The following MINK1 variants were observed in gnomAD, a reference collection of about 807,000 sequenced individuals.
The protein encoded by MINK1 is misshapen like kinase 1.
A neutral mutation model predicts 178.4 loss-of-function variants in MINK1; 46 were observed. That is an observed-to-expected ratio of 0.26 (90% CI 0.20 to 0.33). The LOEUF (loss-of-function observed/expected upper bound fraction) is 0.33, where lower values mean the gene tolerates loss of function less well. Among genes scored for constraint, MINK1 ranks in the 10% least tolerant of loss-of-function variants. The probability of loss-of-function intolerance (pLI) is 1.00; values close to 1 mark genes in which losing one functional copy is unlikely to be tolerated. For missense variants in MINK1, 1,366 were observed against 1,814.9 expected, an observed-to-expected ratio of 0.75 and a Z score of 4.49; for synonymous variants, 797 against 709.7, an observed-to-expected ratio of 1.12 and a Z score of -1.96.
rs1567624670 is a variant in MINK1, at chr17:4,895,166, G to A, written c.3009G>A (p.Arg1003=). Residue 1003 remains arginine (R), a synonymous_variant, in exon 25 of 32, where the codon CGG becomes CGA. Transcript: ENST00000355280. This position sits in a 1 kb window ranked among gnomAD's most constrained non-coding sequence, Gnocchi z 4.3. ...TCAACGTGAATCCCACCAACACCCG[G>A]GCCCACAGTGAGACCCCTGAGATCC... The part of the protein sequence containing the change: ...SVVNVNPTNT[R]AHSETPEIRK... The A allele has an allele frequency of 3.1e-6, 5 of 1,614,010 alleles. No individual in the cohort carries two copies. The highest frequency in any genetic ancestry group is 3.3e-4 in the Middle Eastern group (2 of 6,062).
At position 4,890,514 on chromosome 17, in the gene MINK1, C is replaced by T; in HGVS notation, c.1348-3C>T. On this transcript the variant is annotated splice_region_variant and splice_polypyrimidine_tract_variant and intron_variant, in intron 13 of 31. Transcript: ENST00000355280. The stretch of plus-strand genomic sequence containing the variant: ...AGCCCTCTCTCCCTACCCTTGGGCC[C>T]AGGAATACAAGCGGAAGCAGCTGGA... The T allele has an allele frequency of 1.3e-6, 2 of 1,585,442 alleles. No individual in the cohort carries two copies. The highest frequency in any genetic ancestry group is 1.7e-6 in the Non-Finnish European group (2 of 1,166,566).
chr17:4,848,959 G>A (rs1420081943), intron 1 of MINK1, among the ~76,000 whole-genome samples: 1 of 152,186 alleles, frequency 6.6e-6, no homozygotes, highest in Non-Finnish European at 1.5e-5. Context: ...AAAGTTCCCA[G>A]AAAGCGTGTC....
At position 4,886,843 on chromosome 17, in the gene MINK1, G is replaced by C. The variant is rs895187980; in HGVS notation, c.949+217G>C. Among the ~76,000 whole-genome samples, 3 of 152,146 alleles carry C rather than the reference G, an allele frequency of 2.0e-5. No individual in the cohort carries two copies. The highest frequency in any genetic ancestry group is 7.2e-5 in the African/African-American group (3 of 41,418). ...CCTTCCAAAGGAGGACCGGCCTTTC[G>C]CATCCTTACAAAAACTCCATGCTAA... is the stretch of plus-strand genomic sequence containing the variant. On this transcript the variant is annotated intron_variant, in intron 10 of 31. Coordinates refer to ENST00000355280, the MANE Select transcript of MINK1 (RefSeq NM_153827.5). The surrounding 1 kb of genome is among the most constrained non-coding windows in gnomAD (Gnocchi z 6.1).
chr17:4,853,700 G>T (rs1248284837), intron 1 of MINK1, among the ~76,000 whole-genome samples: 1 of 152,052 alleles, frequency 6.6e-6, no homozygotes, highest in African/African-American at 2.4e-5. Flanking sequence ...GTGGTGGTAG[G>T]AGAGGCAGCA....
intron 1 of MINK1, among the ~76,000 whole-genome samples, chr17:4,853,885 A>C (rs754905020): frequency 6.6e-6 from 1 of 152,094 alleles, no homozygotes; most frequent in African/African-American, 2.4e-5. Context: ...GCTGCCTGAA[A>C]GACTTTGCAA....
In MINK1 at chr17:4,866,849, G is replaced by A. The variant is rs187920352; in HGVS notation, c.58-11468G>A. 3.6e-3 allele frequency among the ~76,000 whole-genome samples: 550 copies of A among 151,924 alleles called. 2 individuals carry two copies. The highest frequency in any genetic ancestry group is 0.012 in the African/African-American group (495 of 41,464). ...AGCACTTCGGGAGGCCGAGGCAGGC[G>A]GATCACGAGGTCAGGAGATTGAGAC... On this transcript the variant is annotated intron_variant, in intron 1 of 31. Transcript: ENST00000355280.
intron 1 of MINK1, among the ~76,000 whole-genome samples, chr17:4,842,086 C>T (rs370456371): frequency 1.4e-4 from 21 of 151,740 alleles, no homozygotes; most frequent in Admixed American, 7.9e-4. Context: ...TAGCCGGGCG[C>T]GGTGGTGGGC....
At chr17:4,893,295 C>A (rs1363994804) in intron 20 of MINK1, 139 bp from the exon 21 acceptor site, 3 of 1,613,936 alleles carry the variant, frequency 1.9e-6, no homozygotes, top group South Asian at 1.1e-5. Context: ...GAGCTATAAG[C>A]GAGCAATTGG....
chr17:4,854,826 A>G (rs1567569921), intron 1 of MINK1: 2 of 473,886 alleles, frequency 4.2e-6, no homozygotes, highest in Non-Finnish European at 8.5e-6. Flanking sequence ...TGAGTTCCAC[A>G]GTGTGAGAGG....
chr17:4,886,652 G>C lies in MINK1; in HGVS notation c.949+26G>C, dbSNP rs1022551917. 5 of 1,543,234 alleles carry C rather than the reference G, an allele frequency of 3.2e-6. No homozygotes were observed. The highest frequency in any genetic ancestry group is 4.4e-6 in the Non-Finnish European group (5 of 1,144,018). On this transcript the variant is annotated intron_variant, in intron 10 of 31. Coordinates refer to ENST00000355280, the MANE Select transcript of MINK1 (RefSeq NM_153827.5). The surrounding 1 kb of genome is among the most constrained non-coding windows in gnomAD (Gnocchi z 6.1). ...GTCAGTGGGCAGGCTGGAGGGGGCA[G>C]GTACTAGGGGACACTCCAGCCTGGC...
intron 1 of MINK1, chr17:4,834,804 C>T (rs763642991): frequency 1.3e-5 from 7 of 519,952 alleles, no homozygotes; most frequent in Non-Finnish European, 2.7e-5. Flanking sequence ...GGCCCCTGCT[C>T]AGACTGTCTT....
At position 4,897,193 on chromosome 17, in the gene MINK1, G is replaced by A. The variant is rs377256022; in HGVS notation, c.3916-11G>A. 5.2e-5 allele frequency: 84 copies of A among 1,612,122 alleles called. 1 individual carries two copies. The African/African-American group carries it at 1.0e-3, about 20-fold the overall frequency. ...TCAGCCCTTGGTGACTTCTTCTCCT[G>A]CCCCACCCAGGTGTTTTTTGCCTCA... is the stretch of plus-strand genomic sequence containing the variant. On this transcript the variant is annotated splice_polypyrimidine_tract_variant and intron_variant, in intron 31 of 31. Coordinates refer to ENST00000355280, the MANE Select transcript of MINK1 (RefSeq NM_153827.5).
chr17:4,881,053 G>A lies in MINK1; in HGVS notation c.180+13G>A, dbSNP rs1967657804. ...GGATGTCACGGAGGTAGGGAGTGGA[G>A]CTGGGCAGTGGGAGGGTCGGACCAG... is the stretch of plus-strand genomic sequence containing the variant. On this transcript the variant is annotated intron_variant, in intron 3 of 31. Transcript: ENST00000355280. 2.6e-6 allele frequency: 4 copies of A among 1,534,018 alleles called. No individual in the cohort carries two copies. Among genetic ancestry groups the A allele is most frequent in the Non-Finnish European group, 3.5e-6 (4 of 1,145,004 alleles).
chr17:4,896,909 T>C lies in MINK1; in HGVS notation c.3915+96T>C. ...CTGGGGAGAGGATGGTGGTGGTGGC[T>C]TCCTGAAAGCGGGCCCCTCTGGGAG... On this transcript the variant is annotated intron_variant, in intron 31 of 31. Transcript: ENST00000355280. This position sits in a 1 kb window ranked among gnomAD's most constrained non-coding sequence, Gnocchi z 4.6. The C allele has an allele frequency of 6.9e-7, 1 of 1,451,004 alleles. No homozygotes were observed. Among genetic ancestry groups the C allele is most frequent in the Non-Finnish European group, 9.1e-7 (1 of 1,095,918 alleles). The allele number at this position is 1,451,004 out of a possible 1,614,324, so 89.9% of individuals were successfully genotyped here.
rs1488904685 is a variant in MINK1 at position 4,886,355 on chromosome 17, C to T, written c.774-96C>T. ...TGTTGGGATATGAAGACAGGAGGGA[C>T]GTCAAGGTGGCTTGTGGATGAATGA... On this transcript the variant is annotated intron_variant, in intron 9 of 31. Transcript: ENST00000355280. The surrounding 1 kb of genome is among the most constrained non-coding windows in gnomAD (Gnocchi z 6.1). 6.0e-6 allele frequency: 9 copies of T among 1,503,296 alleles called. No individual in the cohort carries two copies. Among genetic ancestry groups the T allele is most frequent in the Middle Eastern group, 3.5e-4 (2 of 5,776 alleles). 93.1% of individuals were successfully genotyped at this position (1,503,296 alleles called of 1,614,324 possible).
chr17:4,851,915 A>T (rs1437453766), intron 1 of MINK1, among the ~76,000 whole-genome samples: 1 of 149,160 alleles, frequency 6.7e-6, no homozygotes, highest in African/African-American at 2.5e-5. Context: ...CAGGAGAATC[A>T]CTTGAATCGG....
intron 2 of MINK1, 55 bp from the exon 3 acceptor site, chr17:4,880,929 A>AGCCCTCTCTACGCTCC: frequency 7.0e-7 from 1 of 1,432,084 alleles, no homozygotes; most frequent in South Asian, 1.5e-5. Context: ...CCTAGAGTCA[A>AGCCCTCTCTACGCTCC]GCCCTCTCTA....
intron 13 of MINK1, chr17:4,890,208 ACCCCGT>A: frequency 1.9e-6 from 1 of 518,732 alleles, no homozygotes; most frequent in African/African-American, 3.1e-5. Context: ...CCCACCCCAC[ACCCCGT>A]CCCCCAGGAA....
chr17:4,897,009 G>A (rs2302316), intron 31 of MINK1, 195 bp from the exon 32 acceptor site: 276,265 of 935,402 alleles, frequency 0.3, 47,417 homozygotes, highest in East Asian at 0.62. Flanking sequence ...TGGCCCCCAG[G>A]GGGCGAGTGG....
Sources: allele counts gnomAD v4.1 joint callset (sites outside exome capture counted in the v4.1 genomes callset), GRCh38; gene constraint gnomAD v4.1.1; non-coding constraint Gnocchi (gnomAD v3.1); transcripts MANE v1.5; gene names NCBI Gene and HGNC (gene_info 2026-07-23, HGNC 2026-07-21).